Variants in CNTNAP2 observed in about 807,000 individuals in gnomAD.
The protein encoded by CNTNAP2 is contactin-associated protein-like 2.
In CNTNAP2, 98 loss-of-function variants were observed where a neutral mutation model predicts 155.2. That is an observed-to-expected ratio of 0.63 (90% CI 0.54 to 0.75). The LOEUF (loss-of-function observed/expected upper bound fraction) is 0.75. Among genes scored for constraint, CNTNAP2 ranks in the 30% least tolerant of loss-of-function variants. The pLI is 0.00. For synonymous variants in CNTNAP2, 651 were observed against 631.2 expected, an observed-to-expected ratio of 1.03 and a Z score of -0.47; for missense variants, 1,727 against 1,688.1, an observed-to-expected ratio of 1.02 and a Z score of -0.40.
chr7:148,116,138 A>T (rs1252988618), intron 15 of CNTNAP2, among the ~76,000 whole-genome samples: 1 of 140,370 alleles, frequency 7.1e-6, no homozygotes, highest in Non-Finnish European at 1.6e-5. Flanking sequence ...GACTCTGTCT[A>T]AAAAAAAAAA....
At chr7:147,997,385 C>A (rs1801821961) in intron 15 of CNTNAP2, among the ~76,000 whole-genome samples, 2 of 151,950 alleles carry the variant, frequency 1.3e-5, no homozygotes, top group African/African-American at 4.8e-5. Context: ...GAAACCCCGT[C>A]TCTATTTAAA....
intron 1 of CNTNAP2, among the ~76,000 whole-genome samples, chr7:146,123,244 A>T (rs1476228938): frequency 6.6e-6 from 1 of 152,246 alleles, no homozygotes; most frequent in African/African-American, 2.4e-5. Context: ...GTTTGCTTGA[A>T]ATACCCTCAT....
At chr7:148,249,676 C>T (rs757025092) in intron 20 of CNTNAP2, among the ~76,000 whole-genome samples, 1 of 152,162 alleles carries the variant, frequency 6.6e-6, no homozygotes, top group African/African-American at 2.4e-5. Context: ...ATAGCCTTTC[C>T]AATTTCAGCT....
intron 9 of CNTNAP2, among the ~76,000 whole-genome samples, chr7:147,310,860 T>A (rs1472686875): frequency 6.6e-6 from 1 of 152,030 alleles, no homozygotes; most frequent in Non-Finnish European, 1.5e-5. Context: ...CAACTCCAAG[T>A]ATAGGAAGGA....
chr7:147,261,353 A>G (rs1170950636), intron 8 of CNTNAP2, among the ~76,000 whole-genome samples: 1 of 152,172 alleles, frequency 6.6e-6, no homozygotes, highest in African/African-American at 2.4e-5. Flanking sequence ...TATGCATAAA[A>G]ATTACCAGTT....
chr7:148,350,533 C>A (rs1392787458), intron 21 of CNTNAP2, among the ~76,000 whole-genome samples: 1 of 152,190 alleles, frequency 6.6e-6, no homozygotes, highest in African/African-American at 2.4e-5. Context: ...TCATTATTTT[C>A]AATGGGGTCG....
chr7:147,877,089 G>A (rs902557163), intron 13 of CNTNAP2, among the ~76,000 whole-genome samples: 3 of 152,156 alleles, frequency 2.0e-5, no homozygotes, highest in Admixed American at 6.5e-5. Context: ...GAGTTTTTCG[G>A]TTATTTTTGT....
intron 13 of CNTNAP2, among the ~76,000 whole-genome samples, chr7:147,864,655 G>A (rs761127808): frequency 6.6e-6 from 1 of 152,170 alleles, no homozygotes; most frequent in Non-Finnish European, 1.5e-5. Flanking sequence ...TCCCTTGTAA[G>A]TTGGATTCCT....
At chr7:148,151,035 C>T (rs1384993425) in intron 17 of CNTNAP2, among the ~76,000 whole-genome samples, 1 of 152,004 alleles carries the variant, frequency 6.6e-6, no homozygotes, top group African/African-American at 2.4e-5. Flanking sequence ...CAATATTAGA[C>T]ATTTTTTATT....
rs559214514 is a variant in CNTNAP2, at chr7:146,360,483, T to C, written c.97+243510T>C. On this transcript the variant is annotated intron_variant, in intron 1 of 23. Transcript: ENST00000361727. ...ACACAGACTTATTAATAGTATAGAA[T>C]ATCACATGCGAAATCCAAGTGCTAT... Among the ~76,000 whole-genome samples the C allele has an allele frequency of 1.0e-3, 156 of 152,270 alleles. 1 individual carries two copies. Among genetic ancestry groups the C allele is most frequent in the African/African-American group, 3.6e-3 (149 of 41,552 alleles).
intron 16 of CNTNAP2, among the ~76,000 whole-genome samples, chr7:148,132,765 G>T (rs1483601185): frequency 1.3e-5 from 2 of 152,152 alleles, no homozygotes; most frequent in Non-Finnish European, 2.9e-5. Context: ...CTTTTGTTGG[G>T]AGCCTCATTT....
intron 10 of CNTNAP2, among the ~76,000 whole-genome samples, chr7:147,473,267 G>A (rs79788773): frequency 0.11 from 17,362 of 152,184 alleles, 1,260 homozygotes; most frequent in Non-Finnish European, 0.17. Context: ...TTATGGGGCC[G>A]AAAGGGAGAG....
chr7:147,237,411 ACT>A (rs1401853348), intron 8 of CNTNAP2, among the ~76,000 whole-genome samples: 7 of 151,484 alleles, frequency 4.6e-5, no homozygotes, highest in African/African-American at 1.7e-4. Flanking sequence ...GCAATAACAG[ACT>A]CTGTTGTTTT....
chr7:146,713,534 C>G (rs1801134577), intron 1 of CNTNAP2, among the ~76,000 whole-genome samples: 1 of 152,266 alleles, frequency 6.6e-6, no homozygotes. Flanking sequence ...CAGTTCTCTC[C>G]TGCCCAACCA....
intron 9 of CNTNAP2, among the ~76,000 whole-genome samples, chr7:147,319,852 G>A (rs1411557362): frequency 1.3e-5 from 2 of 152,166 alleles, no homozygotes; most frequent in African/African-American, 2.4e-5. Context: ...ATGGCATTTT[G>A]TGGTTTCACG....
chr7:146,761,519 G>A (rs138953901), intron 1 of CNTNAP2, among the ~76,000 whole-genome samples: 1 of 152,186 alleles, frequency 6.6e-6, no homozygotes, highest in Non-Finnish European at 1.5e-5. Flanking sequence ...TGTTGTTGTT[G>A]CTGTTTTTAA....
chr7:146,962,422 A>G (rs781757826), intron 3 of CNTNAP2, among the ~76,000 whole-genome samples: 45 of 152,332 alleles, frequency 3.0e-4, no homozygotes, highest in Admixed American at 6.5e-4. Flanking sequence ...TGCAGGATTG[A>G]AGGTTCCTAA....
intron 14 of CNTNAP2, among the ~76,000 whole-genome samples, chr7:147,975,997 T>G (rs1443028312): frequency 6.6e-6 from 1 of 152,188 alleles, no homozygotes; most frequent in Admixed American, 6.5e-5. Flanking sequence ...TTCTTACCTC[T>G]GTAGTTGCAT....
chr7:146,413,614 C>T (rs977276593), intron 1 of CNTNAP2, among the ~76,000 whole-genome samples: 2 of 151,994 alleles, frequency 1.3e-5, no homozygotes, highest in Non-Finnish European at 2.9e-5. Context: ...CCTCGTTCTC[C>T]TTTTCTTCCT....
Sources: allele counts gnomAD v4.1 joint callset (sites outside exome capture counted in the v4.1 genomes callset), GRCh38; gene constraint gnomAD v4.1.1; transcripts MANE v1.5; gene names NCBI Gene and HGNC (gene_info 2026-07-23, HGNC 2026-07-21).